Variants in ATP10B observed in about 807,000 individuals in gnomAD.
ATP10B encodes ATPase phospholipid transporting 10B (putative), also known as phospholipid-transporting ATPase VB.
ATP10B carries 122 observed loss-of-function variants against 141.2 expected under a neutral mutation model. The ratio of observed to expected loss-of-function variants is 0.86; its 90% CI spans 0.75 to 1.00. The LOEUF is 1.00. Ranked by LOEUF, ATP10B falls within the 50% of genes least tolerant of loss-of-function variation. ATP10B has a pLI of 0.00. For synonymous variants in ATP10B, 685 were observed against 692.0 expected (o/e 0.99, Z 0.16); for missense variants, 1,876 against 1,825.3 (o/e 1.03, Z -0.51).
intron 2 of ATP10B, among the ~76,000 whole-genome samples, chr5:160,783,166 C>T (rs1276852951): frequency 1.3e-5 from 2 of 151,448 alleles, no homozygotes; most frequent in African/African-American, 2.4e-5. Context: ...ATCCCTTGTC[C>T]CCCTTCCACT....
chr5:160,567,363 G>A (rs1754607403), intron 25 of ATP10B, among the ~76,000 whole-genome samples: 1 of 152,166 alleles, frequency 6.6e-6, no homozygotes, highest in African/African-American at 2.4e-5. Context: ...AGTTCCACCG[G>A]CCATGTATTT....
At chr5:160,862,502 C>T in the ATP10B span, among the ~76,000 whole-genome samples, 1 of 151,954 alleles carries the variant, frequency 6.6e-6, no homozygotes, top group Non-Finnish European at 1.5e-5. Flanking sequence ...TCTGGTTAAA[C>T]TGTGACTGAT....
At chr5:160,646,426 T>C (rs1051705810) in intron 8 of ATP10B, among the ~76,000 whole-genome samples, 10 of 152,214 alleles carry the variant, frequency 6.6e-5, no homozygotes, top group Non-Finnish European at 1.5e-4. Flanking sequence ...TTTTACCTCT[T>C]AAGTATAGTA....
chr5:160,587,639 C>T (rs1489968828), intron 24 of ATP10B, among the ~76,000 whole-genome samples: 1 of 152,062 alleles, frequency 6.6e-6, no homozygotes, highest in African/African-American at 2.4e-5. Context: ...TTAAGAGGTC[C>T]TTCACTTCCA....
chr5:160,798,153 T>G (rs953539043), intron 1 of ATP10B, among the ~76,000 whole-genome samples: 1 of 151,906 alleles, frequency 6.6e-6, no homozygotes, highest in Non-Finnish European at 1.5e-5. Context: ...AGAGAGGACT[T>G]GGAAGTTCAA....
At chr5:160,571,641 A>G (rs1298600243) in intron 24 of ATP10B, among the ~76,000 whole-genome samples, 1 of 152,208 alleles carries the variant, frequency 6.6e-6, no homozygotes, top group African/African-American at 2.4e-5. Context: ...CTTAGAATAA[A>G]GGTAACTTTC....
chr5:160,727,679 G>A (rs947027596), intron 2 of ATP10B, among the ~76,000 whole-genome samples: 1 of 152,056 alleles, frequency 6.6e-6, no homozygotes, highest in Non-Finnish European at 1.5e-5. Context: ...AATCAGCTAT[G>A]TGGTCATACA....
rs76723026 is a variant in ATP10B, at chr5:160,835,775, A to G, written c.-576+16166T>C. ...GGCTTCTAGGTAAAGATTTTTCTTCATGTGTTAGAAATATACAAAAACAGC... is the reference window on the plus strand; with the variant it reads ...GGCTTCTAGGTAAAGATTTTTCTTCGTGTGTTAGAAATATACAAAAACAGC... On this transcript the variant is annotated intron_variant, in intron 1 of 25. Coordinates refer to ENST00000327245, the MANE Select transcript of ATP10B (RefSeq NM_025153.3). Among the ~76,000 whole-genome samples the G allele has an allele frequency of 1.1e-4, 16 of 152,244 alleles. No homozygotes were observed. In the East Asian group the frequency reaches 3.1e-3, roughly 29 times the overall value.
chr5:160,639,045 C>T (rs556604704), intron 10 of ATP10B: 1 of 152,460 alleles, frequency 6.6e-6, no homozygotes, highest in Non-Finnish European at 1.5e-5. Flanking sequence ...CAACAGCCAA[C>T]TGCTCCTCTG....
At chr5:160,760,645 C>A (rs1158183218) in intron 2 of ATP10B, among the ~76,000 whole-genome samples, 1 of 152,214 alleles carries the variant, frequency 6.6e-6, no homozygotes, top group Non-Finnish European at 1.5e-5. Context: ...GCCTGCTTGC[C>A]AGCTGCTTGG....
rs374918133 is a variant in ATP10B, at chr5:160,594,613, G to C, written c.3565-3474C>G. Among the ~76,000 whole-genome samples, 37 of 151,646 alleles carry C rather than the reference G, an allele frequency of 2.4e-4. No individual in the cohort carries two copies. In the East Asian group the frequency reaches 6.8e-3, roughly 28 times the overall value. ...ACTGGCAAATTGGATAAAGAGTCAA[G>C]ACCCATCAGTGTGCTGTATTCAGGA... On this transcript the variant is annotated intron_variant, in intron 22 of 25. Transcript: ENST00000327245.
chr5:160,652,430 CTTATTTATTTATTTATTTAT>C (rs70990738), intron 7 of ATP10B, among the ~76,000 whole-genome samples: 1,538 of 129,714 alleles, frequency 0.012, 63 homozygotes, highest in African/African-American at 0.04. Flanking sequence ...TGTCAGGGTT[CTTATTTATTTATTTATTTAT>C]TTATTTATTT....
chr5:160,825,072 C>T (rs1011017815), intron 1 of ATP10B, among the ~76,000 whole-genome samples: 2 of 152,126 alleles, frequency 1.3e-5, no homozygotes, highest in African/African-American at 2.4e-5. Flanking sequence ...TATTACATCC[C>T]TTAATGGATT....
At chr5:160,813,197 C>A (rs534402268) in intron 1 of ATP10B, among the ~76,000 whole-genome samples, 1 of 152,210 alleles carries the variant, frequency 6.6e-6, no homozygotes, top group Non-Finnish European at 1.5e-5. Context: ...TCGCCTCACC[C>A]GGGAAGCACA....
At chr5:160,663,395 C>G (rs544490992) in intron 7 of ATP10B, among the ~76,000 whole-genome samples, 7 of 152,016 alleles carry the variant, frequency 4.6e-5, no homozygotes, top group African/African-American at 1.7e-4. Context: ...AACCCAAATG[C>G]CCAACAATGA....
At chr5:160,572,490 T>C (rs1027621778) in intron 24 of ATP10B, among the ~76,000 whole-genome samples, 2 of 152,164 alleles carry the variant, frequency 1.3e-5, no homozygotes, top group African/African-American at 4.8e-5. Flanking sequence ...CTATTGAGGG[T>C]ACCTAGTCTG....
chr5:160,622,692 C>T, intron 13 of ATP10B, 107 bp from the exon 14 acceptor site: 1 of 1,068,622 alleles, frequency 9.4e-7, no homozygotes, highest in Non-Finnish European at 1.3e-6. Flanking sequence ...TGCAGTCTTG[C>T]ATCCAGCATG....
intron 7 of ATP10B, among the ~76,000 whole-genome samples, chr5:160,649,798 A>T (rs1760573857): frequency 6.6e-6 from 1 of 152,132 alleles, no homozygotes; most frequent in Non-Finnish European, 1.5e-5. Flanking sequence ...ATGCTTGCGC[A>T]TGTAATATTT....
At chr5:160,673,439 A>G (rs1445601176) in intron 6 of ATP10B, among the ~76,000 whole-genome samples, 3 of 152,292 alleles carry the variant, frequency 2.0e-5, no homozygotes, top group South Asian at 2.1e-4. Context: ...AATTGTACTC[A>G]TTTAGTTATT....
Sources: gnomAD v4.1 joint callset for allele counts (sites outside exome capture counted in the v4.1 genomes callset) on GRCh38, gnomAD v4.1.1 for gene constraint, MANE v1.5 for transcripts, NCBI Gene and HGNC (gene_info 2026-07-23, HGNC 2026-07-21) for gene names.